The following ZBTB7C variants were observed in gnomAD, a reference collection of about 807,000 sequenced individuals.
The protein encoded by ZBTB7C is zinc finger and BTB domain containing 7C, also known as zinc finger and BTB domain-containing protein 7C.
A neutral mutation model predicts 25.7 loss-of-function variants in ZBTB7C; 8 were observed. The ratio of observed to expected loss-of-function variants is 0.31; its 90% CI spans 0.18 to 0.56. The LOEUF (loss-of-function observed/expected upper bound fraction) is 0.56. Among genes scored for constraint, ZBTB7C ranks in the 20% least tolerant of loss-of-function variants. ZBTB7C has a pLI of 0.91. For synonymous variants in ZBTB7C, 394 were observed against 369.0 expected, an observed-to-expected ratio of 1.07 and a Z score of -0.78; for missense variants, 824 against 855.2, an observed-to-expected ratio of 0.96 and a Z score of 0.46.
intron 2 of ZBTB7C, among the ~76,000 whole-genome samples, chr18:48,231,793 T>A (rs564779662): frequency 3.0e-4 from 45 of 152,276 alleles, no homozygotes; most frequent in African/African-American, 1.0e-3. Flanking sequence ...ACCAAGGAGC[T>A]CCCTGAGCCA....
intron 2 of ZBTB7C, among the ~76,000 whole-genome samples, chr18:48,233,576 C>G (rs1360541103): frequency 6.6e-6 from 1 of 152,218 alleles, no homozygotes; most frequent in East Asian, 1.9e-4. Flanking sequence ...TGACTGGATG[C>G]CACCTGCTTT....
In ZBTB7C at chr18:48,090,688, A is replaced by G. The variant is rs73429565; in HGVS notation, c.-16-49565T>C. Among the ~76,000 whole-genome samples the G allele has an allele frequency of 2.3e-3, 351 of 150,998 alleles. 2 individuals carry two copies. The highest frequency in any genetic ancestry group is 8.6e-3 in the African/African-American group (346 of 40,306). On this transcript the variant is annotated intron_variant, in intron 3 of 4. Coordinates refer to ENST00000590800, the MANE Select transcript of ZBTB7C (RefSeq NM_001318841.2). ...TCCCTACCAAAGCCTTCACTTCCAG[A>G]AAAGTTGTCCGGCCAGGCACTTGGC...
At chr18:48,380,668 G>C (rs569223214) in intron 1 of ZBTB7C, among the ~76,000 whole-genome samples, 1 of 152,258 alleles carries the variant, frequency 6.6e-6, no homozygotes, top group African/African-American at 2.4e-5. Context: ...AGTCTAAGGA[G>C]ATATGACGAC....
intron 4 of ZBTB7C, 94 bp from the exon 5 acceptor site, chr18:48,030,005 C>T: frequency 6.5e-7 from 1 of 1,542,496 alleles, no homozygotes; most frequent in South Asian, 1.1e-5. Flanking sequence ...AGCCGAGGCT[C>T]CCTACTGCCA....
intron 3 of ZBTB7C, among the ~76,000 whole-genome samples, chr18:48,105,221 T>C (rs1305551195): frequency 6.6e-6 from 1 of 152,190 alleles, no homozygotes; most frequent in East Asian, 1.9e-4. Context: ...GCAACCTTGG[T>C]TCCTGTGCCC....
rs112459430 is a variant in ZBTB7C, at chr18:48,372,198, T to C, written c.-303-33800A>G. Among the ~76,000 whole-genome samples, 1,256 of 152,272 alleles carry C rather than the reference T, an allele frequency of 8.2e-3. 17 individuals are homozygous for C. Among genetic ancestry groups the C allele is most frequent in the African/African-American group, 0.029 (1,188 of 41,544 alleles). On this transcript the variant is annotated intron_variant, in intron 1 of 4. Transcript: ENST00000590800. ...AGCAGGAAGAGCCCTCACTGGACAA[T>C]AGGAAGAGCCTCTGCCTGGCCTCCC... is the stretch of plus-strand genomic sequence containing the variant.
intron 2 of ZBTB7C, among the ~76,000 whole-genome samples, chr18:48,221,997 C>T (rs1198257354): frequency 2.0e-5 from 3 of 151,982 alleles, no homozygotes; most frequent in African/African-American, 7.3e-5. Context: ...TCTATACTGT[C>T]CTAGTCTCCC....
intron 2 of ZBTB7C, among the ~76,000 whole-genome samples, chr18:48,189,474 C>T (rs1459613255): frequency 6.6e-6 from 1 of 152,062 alleles, no homozygotes; most frequent in Non-Finnish European, 1.5e-5. Flanking sequence ...GAGTTCTGGA[C>T]AAGCCTCGTC....
intron 2 of ZBTB7C, among the ~76,000 whole-genome samples, chr18:48,216,784 C>A (rs2042834435): frequency 6.6e-6 from 1 of 152,136 alleles, no homozygotes; most frequent in South Asian, 2.1e-4. Context: ...CCCCCACAGC[C>A]ACTAGACCCT....
chr18:48,118,001 C>CT (rs11358230), intron 3 of ZBTB7C, among the ~76,000 whole-genome samples: 9,086 of 128,454 alleles, frequency 0.071, 402 homozygotes, highest in South Asian at 0.12. Context: ...TCTTCTTCTT[C>CT]TTTTTTTTTT....
intron 1 of ZBTB7C, among the ~76,000 whole-genome samples, chr18:48,359,550 C>G (rs892371572): frequency 6.6e-6 from 1 of 152,152 alleles, no homozygotes; most frequent in Non-Finnish European, 1.5e-5. Context: ...ATGAGTTTGA[C>G]AGCTGCTGGA....
chr18:48,196,275 C>T (rs1467484154), intron 2 of ZBTB7C, among the ~76,000 whole-genome samples: 1 of 152,198 alleles, frequency 6.6e-6, no homozygotes, highest in Non-Finnish European at 1.5e-5. Flanking sequence ...GGGGAGTGGG[C>T]TATATCTCTC....
At chr18:48,351,054 A>G (rs9304362) in intron 1 of ZBTB7C, among the ~76,000 whole-genome samples, 54,052 of 151,652 alleles carry the variant, frequency 0.36, 10,766 homozygotes, top group East Asian at 0.7. Context: ...ATAAATTCAT[A>G]TAAGTGGAAC....
intron 3 of ZBTB7C, among the ~76,000 whole-genome samples, chr18:48,184,906 A>T (rs1025443154): frequency 1.3e-5 from 2 of 152,016 alleles, no homozygotes; most frequent in Non-Finnish European, 2.9e-5. Flanking sequence ...ATTTCCTATA[A>T]TCTACTCAGT....
chr18:48,252,392 A>G (rs945883930), intron 2 of ZBTB7C: 1 of 152,228 alleles, frequency 6.6e-6, no homozygotes, highest in Non-Finnish European at 1.5e-5. Context: ...GGGCCTAAAG[A>G]TATCTTAGTT....
At chr18:48,285,699 A>G (rs1181331893) in intron 2 of ZBTB7C, among the ~76,000 whole-genome samples, 7 of 152,190 alleles carry the variant, frequency 4.6e-5, no homozygotes, top group Non-Finnish European at 1.0e-4. Flanking sequence ...ATTCTTACAA[A>G]CGGCATATAC....
intron 2 of ZBTB7C, among the ~76,000 whole-genome samples, chr18:48,304,058 G>A (rs1211444175): frequency 6.6e-6 from 1 of 152,108 alleles, no homozygotes; most frequent in East Asian, 1.9e-4. Context: ...GGGTCCCCTG[G>A]CAAGTGGGTG....
chr18:48,111,497 G>C (rs928910471), intron 3 of ZBTB7C, among the ~76,000 whole-genome samples: 1 of 152,296 alleles, frequency 6.6e-6, no homozygotes, highest in South Asian at 2.1e-4. Flanking sequence ...GTAACCCAAG[G>C]TGAGCTACTC....
In ZBTB7C at chr18:48,227,948, T is replaced by C. The variant is rs146262295; in HGVS notation, c.-78-41953A>G. Among the ~76,000 whole-genome samples the C allele has an allele frequency of 2.1e-3, 326 of 152,198 alleles. 15 individuals carry two copies. The highest frequency in any genetic ancestry group is 0.02 in the Middle Eastern group (6 of 294). On this transcript the variant is annotated intron_variant, in intron 2 of 4. Transcript: ENST00000590800. ...AAAGAGCATAACTTCTCATTCCATA[T>C]GAAAAGTCCAATGCAGGTGTTTCTG...
Sources: allele counts gnomAD v4.1 joint callset (sites outside exome capture counted in the v4.1 genomes callset), GRCh38; gene constraint gnomAD v4.1.1; transcripts MANE v1.5; gene names NCBI Gene and HGNC (gene_info 2026-07-23, HGNC 2026-07-21).